Variants in CNTRL observed in about 807,000 individuals in gnomAD.
CNTRL encodes 110 kDa centrosomal protein.
A neutral mutation model predicts 303.7 loss-of-function variants in CNTRL; 233 were observed. That is an observed-to-expected ratio of 0.77 (90% confidence interval 0.69 to 0.86). The LOEUF is 0.86. Ranked by LOEUF, CNTRL falls within the 40% of genes least tolerant of loss-of-function variation. CNTRL has a pLI of 0.00. For synonymous variants in CNTRL, 900 were observed against 922.2 expected (o/e 0.98, Z 0.44); for missense variants, 2,524 against 2,650.6 (o/e 0.95, Z 1.05).
intron 4 of CNTRL, among the ~76,000 whole-genome samples, chr9:121,093,257 C>G (rs912420606): frequency 1.3e-5 from 2 of 152,082 alleles, no homozygotes; most frequent in African/African-American, 2.4e-5. Context: ...GAATTATAAT[C>G]TTGGAGAGAA....
At chr9:121,109,418 T>C (rs956584852) in intron 8 of CNTRL, among the ~76,000 whole-genome samples, 1 of 152,156 alleles carries the variant, frequency 6.6e-6, no homozygotes, top group African/African-American at 2.4e-5. Context: ...AGTTAAAAAA[T>C]ATGTGTACAT....
At position 121,125,813 on chromosome 9, in the gene CNTRL, G is replaced by A; in HGVS notation, c.1902G>A (p.Gln634=). 6.2e-7 allele frequency: 1 copy of A among 1,614,222 alleles called. No homozygotes were observed. Among genetic ancestry groups the A allele is most frequent in the Non-Finnish European group, 8.5e-7 (1 of 1,180,024 alleles). ...YLGTIKGQAT[Q]AQNECRKLRD... is the part of the protein sequence containing the mutation. ...GGACCATTAAAGGCCAGGCAACTCA[G>A]GCCCAGAATGAGTGCAGGAAGCTGC... The change falls in exon 14 of 44, where the codon CAG becomes CAA. Residue 634 remains glutamine, a synonymous_variant. Transcript: ENST00000373855.
At chr9:121,089,830 T>G (rs1045909884) in intron 3 of CNTRL, among the ~76,000 whole-genome samples, 4 of 152,102 alleles carry the variant, frequency 2.6e-5, no homozygotes, top group African/African-American at 9.7e-5. Flanking sequence ...AGCAAATGAT[T>G]TTTTTTAGTA....
Position 121,171,516 on chromosome 9 carries a change from AT to A in CNTRL, c.6386del (p.Met2129SerfsTer29). ...GCGCCTGATGAAGGAGCTCAACCAG[AT>A]GCAGTATGAGTACACGGAGCTCAAG... ...ARRLMKELNQ[M>X]QYEYTELKKQ... On this transcript the variant is annotated frameshift_variant, in exon 40 of 44. Transcript: ENST00000373855. LOFTEE classifies it high-confidence loss of function. 1.2e-6 allele frequency: 2 copies of A among 1,613,982 alleles called. No homozygotes were observed. The highest frequency in any genetic ancestry group is 3.3e-5 in the Admixed American group (2 of 60,014).
chr9:121,141,234 G>A (rs569922426), intron 17 of CNTRL, 147 bp from the exon 18 acceptor site: 6 of 631,722 alleles, frequency 9.5e-6, no homozygotes, highest in Middle Eastern at 3.6e-4. Context: ...AATAATTTGC[G>A]CTTAGGAGAT....
intron 2 of CNTRL, among the ~76,000 whole-genome samples, chr9:121,080,774 A>G (rs1156906081): frequency 6.6e-6 from 1 of 152,190 alleles, no homozygotes; most frequent in Non-Finnish European, 1.5e-5. Context: ...TATATACTGT[A>G]TAAGTTCTGT....
At chr9:121,111,435 G>C (rs1332350890) in intron 8 of CNTRL, among the ~76,000 whole-genome samples, 3 of 152,082 alleles carry the variant, frequency 2.0e-5, no homozygotes, top group South Asian at 4.1e-4. Context: ...CCATTTTGAT[G>C]GATAATCAGG....
chr9:121,080,605 T>G (rs893991420), intron 2 of CNTRL, 127 bp downstream of exon 2: 2 of 152,182 alleles, frequency 1.3e-5, no homozygotes, highest in Non-Finnish European at 2.9e-5. Context: ...ATTTACTGAG[T>G]AAGGTTAGTG....
chr9:121,153,595 G>A (rs111688567), intron 26 of CNTRL, among the ~76,000 whole-genome samples: 284 of 152,324 alleles, frequency 1.9e-3, no homozygotes, highest in Non-Finnish European at 3.1e-3. Context: ...GAGCCCAGGA[G>A]CTCCTTGAAG....
At chr9:121,079,465 C>T (rs959601074) in intron 1 of CNTRL, among the ~76,000 whole-genome samples, 25 of 151,994 alleles carry the variant, frequency 1.6e-4, no homozygotes, top group African/African-American at 5.6e-4. Context: ...CTCAGGAGTT[C>T]GAGATCAGCC....
intron 2 of CNTRL, 32 bp from the exon 3 acceptor site, chr9:121,088,264 A>T: frequency 9.9e-7 from 1 of 1,012,872 alleles, no homozygotes. Context: ...CTTAAAAATT[A>T]ATCTTGTTGA....
chr9:121,076,501 C>A (rs539950576), intron 1 of CNTRL, among the ~76,000 whole-genome samples: 1 of 151,980 alleles, frequency 6.6e-6, no homozygotes. Flanking sequence ...AATTGGAGGT[C>A]AGAGTATTGG....
intron 20 of CNTRL, 102 bp from the exon 21 acceptor site, chr9:121,144,741 G>A (rs890638573): frequency 1.1e-6 from 1 of 914,838 alleles, no homozygotes; most frequent in Non-Finnish European, 1.8e-6. Context: ...GGACAGCCTG[G>A]TAGGCAATGT....
chr9:121,163,319 CAAA>C (rs56957428), intron 34 of CNTRL, among the ~76,000 whole-genome samples: 26 of 143,092 alleles, frequency 1.8e-4, no homozygotes, highest in Middle Eastern at 3.6e-3. Context: ...GACCCTGTTT[CAAA>C]AAAAAAATAT....
At chr9:121,092,156 AT>A (rs2048606010) in intron 4 of CNTRL, among the ~76,000 whole-genome samples, 1 of 147,074 alleles carries the variant, frequency 6.8e-6, no homozygotes, top group Admixed American at 6.9e-5. Flanking sequence ...ATATGCTTAT[AT>A]ATAAATATAT....
At position 121,118,906 on chromosome 9, in the gene CNTRL, G is replaced by A. The variant is rs115339561; in HGVS notation, c.1650+366G>A. ...TTTAATATATAAGAGGATGTCCATA[G>A]GTTAAATACAAATATTATGCTATTT... On this transcript the variant is annotated intron_variant, in intron 12 of 43. Coordinates refer to ENST00000373855, the MANE Select transcript of CNTRL (RefSeq NM_007018.6). Among the ~76,000 whole-genome samples the A allele has an allele frequency of 3.6e-3, 542 of 152,212 alleles. 5 individuals are homozygous for A. The highest frequency in any genetic ancestry group is 0.012 in the African/African-American group (517 of 41,524).
intron 34 of CNTRL, among the ~76,000 whole-genome samples, chr9:121,164,411 C>T (rs1006621924): frequency 6.6e-6 from 1 of 152,168 alleles, no homozygotes; most frequent in African/African-American, 2.4e-5. Flanking sequence ...TGTCTATCAC[C>T]TGGTAAATAG....
At chr9:121,123,162 GA>G (rs112930395) in intron 12 of CNTRL, among the ~76,000 whole-genome samples, 2 of 151,888 alleles carry the variant, frequency 1.3e-5, no homozygotes, top group Non-Finnish European at 1.5e-5. Context: ...ATTACAAAAG[GA>G]AAAAATCCCC....
rs761727843 is a variant in CNTRL, at chr9:121,095,008, A to G, written c.469A>G (p.Asn157Asp). The change falls in exon 5 of 44, where the codon AAC (asparagine) becomes GAC (aspartate). Residue 157 changes from asparagine to aspartate, a missense_variant. Physicochemically the swap from Asn to Asp is conservative, Grantham distance 23. Coordinates refer to ENST00000373855, the MANE Select transcript of CNTRL (RefSeq NM_007018.6). ...ATTACGTGAACTCAACTTATCATATAACAAAATCAGGTGAGTTATATAACA... is the reference window on the plus strand; with the variant it reads ...ATTACGTGAACTCAACTTATCATATGACAAAATCAGGTGAGTTATATAACA... ...LKLRELNLSY[N>D]KISKIEGIEN... The G allele has an allele frequency of 6.2e-7, 1 of 1,601,086 alleles. No homozygotes were observed. The highest frequency in any genetic ancestry group is 8.5e-7 in the Non-Finnish European group (1 of 1,175,250).
Sources: gnomAD v4.1 joint callset for allele counts (sites outside exome capture counted in the v4.1 genomes callset) on GRCh38, gnomAD v4.1.1 for gene constraint, MANE v1.5 for transcripts, NCBI Gene and HGNC (gene_info 2026-07-23, HGNC 2026-07-21) for gene names.